PON2: variants seen among roughly 807,000 people sequenced by gnomAD.
PON2 encodes serum paraoxonase/arylesterase 2.
PON2 carries 27 observed loss-of-function variants against 36.6 expected under a neutral mutation model. The ratio of observed to expected loss-of-function variants is 0.74; its 90% CI spans 0.54 to 1.02. The LOEUF (loss-of-function observed/expected upper bound fraction) is 1.02. Among genes scored for constraint, PON2 ranks in the 50% least tolerant of loss-of-function variants. The pLI is 0.00. For synonymous variants in PON2, 149 were observed against 156.3 expected (o/e 0.95, Z 0.35); for missense variants, 363 against 421.1 (o/e 0.86, Z 1.21).
intron 1 of PON2, among the ~76,000 whole-genome samples, chr7:95,433,716 C>T (rs943750635): frequency 1.3e-5 from 2 of 152,218 alleles, no homozygotes; most frequent in African/African-American, 4.8e-5. Flanking sequence ...ATTTGCTAGT[C>T]TTCCAACTTC....
chr7:95,417,447 T>C (rs1173282571), intron 2 of PON2, among the ~76,000 whole-genome samples: 1 of 152,154 alleles, frequency 6.6e-6, no homozygotes, highest in Non-Finnish European at 1.5e-5. Context: ...CTTCAAAGTA[T>C]CTGTGAACCC....
At position 95,411,161 on chromosome 7, in the gene PON2, T is replaced by A. The variant is rs17876145; in HGVS notation, c.494+492A>T. 2.7e-3 allele frequency among the ~76,000 whole-genome samples: 418 copies of A among 152,298 alleles called. 1 individual carries two copies. The highest frequency in any genetic ancestry group is 9.5e-3 in the African/African-American group (394 of 41,550). On this transcript the variant is annotated intron_variant, in intron 5 of 8. Transcript: ENST00000222572. Reference sequence around the variant, plus strand: ...TGTAATGACTCACTCTCAACTTGAGTGGCTCTAATTCTGTGGGATTACTAG... The same window carrying A: ...TGTAATGACTCACTCTCAACTTGAGAGGCTCTAATTCTGTGGGATTACTAG...
intron 1 of PON2, among the ~76,000 whole-genome samples, chr7:95,430,317 G>GTTTTTTT (rs888812275): frequency 7.0e-6 from 1 of 142,106 alleles, no homozygotes; most frequent in Non-Finnish European, 1.6e-5. Flanking sequence ...AAATTTTTTT[G>GTTTTTTT]TTTTTTTTTT....
Position 95,405,368 on chromosome 7 carries a change from C to T in PON2, c.1027G>A (p.Gly343Ser). The change falls in exon 9 of 9, where the codon GGC becomes AGC. Residue 343 changes from glycine to serine, a missense_variant. Physicochemically the swap from Gly to Ser is moderately conservative, Grantham distance 56 (BLOSUM62 0). Transcript: ENST00000222572. ...TACAAGGCTCTGTGGTATAAAGTGC[C>T]TATGAGCAGCTTCCCATCATACACT... is the stretch of plus-strand genomic sequence containing the variant. ...ASVYDGKLLI[G>S]TLYHRALYCE... 1 of 1,613,896 alleles carries T rather than the reference C, an allele frequency of 6.2e-7. No homozygotes were observed. Among genetic ancestry groups the T allele is most frequent in the Non-Finnish European group, 8.5e-7 (1 of 1,179,874 alleles).
intron 5 of PON2, among the ~76,000 whole-genome samples, chr7:95,410,481 G>A (rs1788896441): frequency 6.6e-6 from 1 of 152,156 alleles, no homozygotes. Flanking sequence ...AGCTGGTTAG[G>A]CAGTCAGTAA....
intron 4 of PON2, 82 bp from the exon 5 acceptor site, chr7:95,411,861 G>A: frequency 7.0e-7 from 1 of 1,433,838 alleles, no homozygotes. Context: ...AAATACCACA[G>A]GCAAGGAAAG....
chr7:95,411,160 G>A (rs1788913357), intron 5 of PON2, among the ~76,000 whole-genome samples: 1 of 152,134 alleles, frequency 6.6e-6, no homozygotes. Flanking sequence ...CTCAACTTGA[G>A]TGGCTCTAAT....
At chr7:95,424,468 A>C in intron 2 of PON2, 47 bp downstream of exon 2, 2 of 1,499,418 alleles carry the variant, frequency 1.3e-6, no homozygotes, top group Non-Finnish European at 1.9e-6. Context: ...TTTAATGTTA[A>C]TGGCCAAAAA....
intron 1 of PON2, among the ~76,000 whole-genome samples, chr7:95,427,477 G>A (rs1789342432): frequency 6.6e-6 from 1 of 152,208 alleles, no homozygotes; most frequent in African/African-American, 2.4e-5. Flanking sequence ...ACAAAGGAGA[G>A]TCACGAGAAG....
intron 1 of PON2, among the ~76,000 whole-genome samples, chr7:95,431,541 T>A (rs1359988685): frequency 1.3e-5 from 2 of 152,002 alleles, no homozygotes; most frequent in Non-Finnish European, 2.9e-5. Context: ...TGACTCAGCC[T>A]CCCAAGTAGC....
chr7:95,425,501 CTA>C (rs1789295290), intron 1 of PON2, among the ~76,000 whole-genome samples: 1 of 152,170 alleles, frequency 6.6e-6, no homozygotes, highest in African/African-American at 2.4e-5. Context: ...TCTCTGTTCT[CTA>C]GAGCCATAAA....
intron 6 of PON2, 86 bp downstream of exon 6, chr7:95,409,815 T>C (rs994370636): frequency 3.4e-5 from 38 of 1,130,854 alleles, no homozygotes; most frequent in Non-Finnish European, 4.9e-5. Context: ...AGAAAACTAT[T>C]TTCACATTGA....
chr7:95,424,276 A>C (rs1322332031), intron 2 of PON2: 1 of 540,540 alleles, frequency 1.9e-6, no homozygotes, highest in Non-Finnish European at 3.3e-6. Flanking sequence ...AAAACAAGCA[A>C]GAAATCAAAT....
chr7:95,412,680 A>C, intron 3 of PON2: 2 of 595,316 alleles, frequency 3.4e-6, no homozygotes. Flanking sequence ...AACTGAAAAG[A>C]AGATCAGGGA....
chr7:95,432,926 G>A (rs1789476218), intron 1 of PON2, among the ~76,000 whole-genome samples: 1 of 152,096 alleles, frequency 6.6e-6, no homozygotes, highest in African/African-American at 2.4e-5. Context: ...TCATCCCTGG[G>A]GTTCCAGAGT....
intron 6 of PON2, among the ~76,000 whole-genome samples, chr7:95,407,470 A>G (rs1483736072): frequency 6.6e-6 from 1 of 152,222 alleles, no homozygotes; most frequent in African/African-American, 2.4e-5. Flanking sequence ...TTATTAAAAT[A>G]GTGATCATTC....
chr7:95,415,185 A>T lies in PON2; in HGVS notation c.201+1057T>A, dbSNP rs1789032826. On this transcript the variant is annotated intron_variant, in intron 3 of 8. Coordinates refer to ENST00000222572, the MANE Select transcript of PON2 (RefSeq NM_000305.3). Reference sequence around the variant, plus strand: ...GAGTTGGTTACTTCTTCCTCCAGAAAAACTGGACCTATGAAGATGCCAAGA... The same window carrying T: ...GAGTTGGTTACTTCTTCCTCCAGAATAACTGGACCTATGAAGATGCCAAGA... 4 of 152,220 alleles carry T rather than the reference A, an allele frequency of 2.6e-5. No homozygotes were observed. In the South Asian group the frequency reaches 8.3e-4, roughly 32 times the overall value. 9.4% of individuals were successfully genotyped at this position (152,220 alleles called of 1,614,324 possible).
chr7:95,417,682 TACACACAGAC>T (rs1789096141), intron 2 of PON2, among the ~76,000 whole-genome samples: 1 of 101,988 alleles, frequency 9.8e-6, no homozygotes, highest in Non-Finnish European at 2.0e-5. Context: ...CATACACATG[TACACACAGAC>T]ACACACACAC....
Position 95,434,948 on chromosome 7 carries a change from C to G in PON2, c.4G>C (p.Gly2Arg). The G allele has an allele frequency of 6.5e-7, 1 of 1,527,948 alleles. No individual in the cohort carries two copies. Among genetic ancestry groups the G allele is most frequent in the Non-Finnish European group, 8.8e-7 (1 of 1,141,678 alleles). 94.6% of individuals were successfully genotyped at this position (1,527,948 alleles called of 1,614,324 possible). Residue 2 changes from glycine (G) to arginine (R), a missense_variant, in exon 1 of 9, where the codon GGG (glycine) becomes CGG (arginine). Transcript: ENST00000222572. ...AGCAAGCCCACAGCCACCAGCCGCCCCATGGCGCGGGAGCCGGGCGCGCTG... is the reference window on the plus strand; with the variant it reads ...AGCAAGCCCACAGCCACCAGCCGCCGCATGGCGCGGGAGCCGGGCGCGCTG... Reference protein sequence around the residue: MGRLVAVGLLGI... With the variant: MRRLVAVGLLGI...
Sources: gnomAD v4.1 joint callset for allele counts (sites outside exome capture counted in the v4.1 genomes callset) on GRCh38, gnomAD v4.1.1 for gene constraint, MANE v1.5 for transcripts, NCBI Gene and HGNC (gene_info 2026-07-23, HGNC 2026-07-21) for gene names.